F5: variants seen among roughly 807,000 people sequenced by gnomAD.
The protein encoded by F5 is activated protein c cofactor.
Under a neutral mutation model 216.4 loss-of-function variants are expected in F5, and 138 were observed. That is an observed-to-expected ratio of 0.64 (90% CI 0.56 to 0.73). F5 has a LOEUF of 0.73. Among genes scored for constraint, F5 ranks in the 30% least tolerant of loss-of-function variants. The pLI is 0.00. For missense variants in F5, 2,403 were observed against 2,674.0 expected (o/e 0.90, Z 2.24); for synonymous variants, 916 against 930.7 (o/e 0.98, Z 0.29).
At position 169,586,377 on chromosome 1, in the gene F5, C is replaced by T. The variant is rs1661104919; in HGVS notation, c.10G>A (p.Gly4Ser). 6.2e-7 allele frequency: 1 copy of T among 1,613,228 alleles called. No individual in the cohort carries two copies. Among genetic ancestry groups the T allele is most frequent in the Non-Finnish European group, 8.5e-7 (1 of 1,179,928 alleles). ...ACCAGGACCCAGAGGCGTGGGCAGC[C>T]TGGGAACATGCTTCCTTTCCTGCTC... is the stretch of plus-strand genomic sequence containing the variant. MFP[G>S]CPRLWVLVVL... Residue 4 changes from glycine (G) to serine (S), a missense_variant, in exon 1 of 25, where the codon GGC becomes AGC. Gly to Ser is a moderately conservative substitution (Grantham distance 56). Transcript: ENST00000367797.
chr1:169,545,412 A>C (rs1230952521), intron 11 of F5, among the ~76,000 whole-genome samples: 1 of 152,226 alleles, frequency 6.6e-6, no homozygotes, highest in Non-Finnish European at 1.5e-5. Flanking sequence ...ATTAATTTTT[A>C]TATTGGTTAC....
intron 3 of F5, among the ~76,000 whole-genome samples, chr1:169,567,391 A>G (rs1660628578): frequency 6.6e-6 from 1 of 151,636 alleles, no homozygotes; most frequent in African/African-American, 2.4e-5. Flanking sequence ...AATAAAAAAA[A>G]ATCTCCCAAA....
At chr1:169,570,598 G>A (rs1050377962) in intron 3 of F5, among the ~76,000 whole-genome samples, 1 of 152,088 alleles carries the variant, frequency 6.6e-6, no homozygotes, top group Non-Finnish European at 1.5e-5. Flanking sequence ...GCTAATGCAA[G>A]TACTCCTAAG....
chr1:169,550,678 G>T lies in F5; in HGVS notation c.1358C>A (p.Ser453Ter). The change falls in exon 9 of 25, where the codon TCG becomes TAG. Residue 453 changes from serine to a stop codon, truncating the protein, a stop_gained. Coordinates refer to ENST00000367797, the MANE Select transcript of F5 (RefSeq NM_000130.5). LOFTEE classifies it high-confidence loss of function. Reference protein sequence around the residue: ...YSIYPHGVTFSPYEDEVNSSF... With the variant: ...YSIYPHGVTF Reference sequence around the variant, plus strand: ...AGAGTTGACTTCATCTTCATAAGGCGAGAAGGTCACTCCATGAGGGTAAAT... The same window carrying T: ...AGAGTTGACTTCATCTTCATAAGGCTAGAAGGTCACTCCATGAGGGTAAAT... The T allele has an allele frequency of 1.9e-6, 3 of 1,614,038 alleles. No individual in the cohort carries two copies. Among genetic ancestry groups the T allele is most frequent in the Non-Finnish European group, 2.5e-6 (3 of 1,179,942 alleles).
At chr1:169,585,963 C>T (rs1345003724) in intron 1 of F5, among the ~76,000 whole-genome samples, 1 of 152,134 alleles carries the variant, frequency 6.6e-6, no homozygotes, top group Non-Finnish European at 1.5e-5. Flanking sequence ...ACTAACAAAA[C>T]TGTATTGAAA....
At chr1:169,525,530 G>C (rs1571562407) in intron 18 of F5, among the ~76,000 whole-genome samples, 1 of 152,174 alleles carries the variant, frequency 6.6e-6, no homozygotes, top group Non-Finnish European at 1.5e-5. Context: ...CAGATGGACA[G>C]ATGAAAACTG....
At position 169,549,921 on chromosome 1, in the gene F5, A is replaced by G. The variant is rs2101825267; in HGVS notation, c.1491T>C (p.Asp497=). The G allele has an allele frequency of 6.2e-7, 1 of 1,614,186 alleles. No homozygotes were observed. Among genetic ancestry groups the G allele is most frequent in the African/African-American group, 1.3e-5 (1 of 75,062 alleles). The change falls in exon 10 of 25, where the codon GAT becomes GAC. Residue 497 remains aspartate, a synonymous_variant. Coordinates refer to ENST00000367797, the MANE Select transcript of F5 (RefSeq NM_000130.5). The stretch of plus-strand genomic sequence containing the variant: ...AGTATGGTCTTGTTAAGCACTGGGC[A>G]TCATTTTCTGTGGGTTCATCAAACT... ...ILEFDEPTEN[D]AQCLTRPYYS...
chr1:169,560,587 C>A lies in F5; in HGVS notation c.553G>T (p.Gly185Trp). The change falls in exon 4 of 25, where the codon GGG becomes TGG. Residue 185 changes from glycine (G) to tryptophan (W), a missense_variant. Transcript: ENST00000367797. Reference sequence around the variant, plus strand: ...CAGATAAGCAGGGGCCCAATCAGCCCCGAGTTGAAATCCTCGATCAGATTT... The same window carrying A: ...CAGATAAGCAGGGGCCCAATCAGCCACGAGTTGAAATCCTCGATCAGATTT... Reference protein sequence around the residue: ...HENLIEDFNSGLIGPLLICKK... With the variant: ...HENLIEDFNSWLIGPLLICKK... 6.2e-7 allele frequency: 1 copy of A among 1,613,630 alleles called. No homozygotes were observed. Among genetic ancestry groups the A allele is most frequent in the Non-Finnish European group, 8.5e-7 (1 of 1,179,762 alleles).
chr1:169,557,624 C>T (rs1281360851), intron 5 of F5, among the ~76,000 whole-genome samples: 1 of 151,958 alleles, frequency 6.6e-6, no homozygotes, highest in Non-Finnish European at 1.5e-5. Context: ...GGAAAATGCT[C>T]ATTTGCTCTG....
intron 4 of F5, 136 bp from the exon 5 acceptor site, chr1:169,559,432 A>G (rs1660409873): frequency 2.2e-6 from 2 of 900,010 alleles, no homozygotes; most frequent in South Asian, 1.4e-5. Flanking sequence ...TTTTTAAAAT[A>G]GCATATTTAT....
In F5 at chr1:169,579,855, C is replaced by A. The variant is rs143902739; in HGVS notation, c.250+2576G>T. On this transcript the variant is annotated intron_variant, in intron 2 of 24. Transcript: ENST00000367797. ...CAATCTATTCTCTATAATTGGACAACATAATCTTTCTAAAGGACAAATATT... is the reference window on the plus strand; with the variant it reads ...CAATCTATTCTCTATAATTGGACAAAATAATCTTTCTAAAGGACAAATATT... Among the ~76,000 whole-genome samples, 1,370 of 152,268 alleles carry A rather than the reference C, an allele frequency of 9.0e-3. 27 individuals carry two copies. Among genetic ancestry groups the A allele is most frequent in the African/African-American group, 0.031 (1,294 of 41,538 alleles).
intron 8 of F5, among the ~76,000 whole-genome samples, chr1:169,552,229 G>T (rs1380305218): frequency 6.6e-6 from 1 of 152,072 alleles, no homozygotes; most frequent in Non-Finnish European, 1.5e-5. Flanking sequence ...TACACTGACT[G>T]CCATAAAGCT....
intron 23 of F5, among the ~76,000 whole-genome samples, chr1:169,518,102 A>G (rs1659200109): frequency 1.3e-5 from 2 of 152,186 alleles, no homozygotes. Context: ...GTTATGGCAG[A>G]GAATGTATGG....
chr1:169,570,622 T>C (rs1660701420), intron 3 of F5, among the ~76,000 whole-genome samples: 1 of 152,150 alleles, frequency 6.6e-6, no homozygotes, highest in African/African-American at 2.4e-5. Context: ...GGTAGTTCAT[T>C]GACCTATTAT....
At position 169,532,436 on chromosome 1, in the gene F5, C is replaced by G. The variant is rs192912239; in HGVS notation, c.4972-1414G>C. Among the ~76,000 whole-genome samples, 498 of 152,166 alleles carry G rather than the reference C, an allele frequency of 3.3e-3. 1 individual carries two copies. Among genetic ancestry groups the G allele is most frequent in the Non-Finnish European group, 6.0e-3 (410 of 67,984 alleles). ...CTTCATTGGCAATATGATTCTGTAC[C>G]TAGAAAACCCTAAAGACTCCATGAA... On this transcript the variant is annotated intron_variant, in intron 14 of 24. Transcript: ENST00000367797.
chr1:169,544,389 C>T lies in F5; in HGVS notation c.1882G>A (p.Gly628Arg), dbSNP rs1659948001. Reference sequence around the variant, plus strand: ...CTCTTTCCATAGATGAATGAGTGCCCAGTGAAGTGGATGGTCAAAATTTCA... The same window carrying T: ...CTCTTTCCATAGATGAATGAGTGCCTAGTGAAGTGGATGGTCAAAATTTCA... ...QNEILTIHFT[G>R]HSFIYGKRHE... Residue 628 changes from glycine to arginine, a missense_variant, in exon 12 of 25, where the codon GGG becomes AGG. Physicochemically the swap from Gly to Arg is moderately radical, Grantham distance 125 (BLOSUM62 -2). This residue lies in a region of F5 where 1,425 missense variants were observed against 1,554.8 expected (regional missense o/e 0.92). Transcript: ENST00000367797. The T allele has an allele frequency of 6.2e-7, 1 of 1,614,050 alleles. No individual in the cohort carries two copies. Among genetic ancestry groups the T allele is most frequent in the Non-Finnish European group, 8.5e-7 (1 of 1,179,994 alleles).
At chr1:169,539,253 C>T (rs760287042) in intron 13 of F5, among the ~76,000 whole-genome samples, 9 of 152,144 alleles carry the variant, frequency 5.9e-5, no homozygotes, top group Non-Finnish European at 1.0e-4. Flanking sequence ...TTCTGGTCTA[C>T]CTCCCCTACT....
Position 169,540,631 on chromosome 1 carries a change from G to T in F5, c.4459C>A (p.Leu1487Ile). 1 of 1,613,998 alleles carries T rather than the reference G, an allele frequency of 6.2e-7. No homozygotes were observed. The highest frequency in any genetic ancestry group is 8.5e-7 in the Non-Finnish European group (1 of 1,179,970). The change falls in exon 13 of 25, where the codon CTT (leucine) becomes ATT (isoleucine). Residue 1487 changes from leucine (L) to isoleucine (I), a missense_variant. By Grantham distance (5) the Leu-to-Ile change is conservative. Transcript: ENST00000367797. Reference sequence around the variant, plus strand: ...GATGAAGGAGATGGCATCTGACCAAGGTCTGGATAAGGAAAAGACTCATTA... The same window carrying T: ...GATGAAGGAGATGGCATCTGACCAATGTCTGGATAAGGAAAAGACTCATTA... ...EFNESFPYPDLGQMPSPSSPT... is the reference protein window; with the variant it reads ...EFNESFPYPDIGQMPSPSSPT...
chr1:169,522,014 T>A lies in F5; in HGVS notation c.6048+1183A>T, dbSNP rs183080011. 4.5e-3 allele frequency among the ~76,000 whole-genome samples: 682 copies of A among 151,856 alleles called. 6 individuals carry two copies. Among genetic ancestry groups the A allele is most frequent in the African/African-American group, 0.016 (651 of 41,360 alleles). On this transcript the variant is annotated intron_variant, in intron 21 of 24. Transcript: ENST00000367797. ...AATATCAGAGATGAAACAGGCAAAATCACTACAAACATGAAAAAGGATAAG... is the reference window on the plus strand; with the variant it reads ...AATATCAGAGATGAAACAGGCAAAAACACTACAAACATGAAAAAGGATAAG...
Sources: gnomAD v4.1 joint callset for allele counts (sites outside exome capture counted in the v4.1 genomes callset) on GRCh38, gnomAD v4.1.1 for gene constraint, gnomAD v4.1.1 regional missense constraint, MANE v1.5 for transcripts, NCBI Gene and HGNC (gene_info 2026-07-23, HGNC 2026-07-21) for gene names.